The following CYP39A1 variants were observed in gnomAD, a reference collection of about 807,000 sequenced individuals.
CYP39A1 encodes 24-hydroxycholesterol 7-alpha-hydroxylase.
In CYP39A1, 49 loss-of-function variants were observed where a neutral mutation model predicts 58.1. The ratio of observed to expected loss-of-function variants is 0.84; its 90% CI spans 0.67 to 1.07. The LOEUF (loss-of-function observed/expected upper bound fraction) is 1.07. Among genes scored for constraint, CYP39A1 ranks in the 50% least tolerant of loss-of-function variants. The pLI, the probability that CYP39A1 is intolerant of heterozygous loss-of-function variation, is 0.00. For synonymous variants in CYP39A1, 209 were observed against 187.6 expected, an observed-to-expected ratio of 1.11 and a Z score of -0.93; for missense variants, 531 against 539.4, an observed-to-expected ratio of 0.98 and a Z score of 0.16.
intron 10 of CYP39A1, chr6:46,582,991 A>T: frequency 1.1e-6 from 1 of 890,170 alleles, no homozygotes. Context: ...TGGACCTCTG[A>T]TTTTAATTAA....
chr6:46,649,547 T>A, intron 1 of CYP39A1, among the ~76,000 whole-genome samples: 1 of 152,106 alleles, frequency 6.6e-6, no homozygotes, highest in East Asian at 1.9e-4. Flanking sequence ...GAATTAGGAG[T>A]TCTATATGGT....
At chr6:46,577,293 A>T (rs1478100574) in intron 10 of CYP39A1, among the ~76,000 whole-genome samples, 1 of 152,162 alleles carries the variant, frequency 6.6e-6, no homozygotes, top group Non-Finnish European at 1.5e-5. Flanking sequence ...CCAAACAGAA[A>T]TCAAAGATCA....
intron 5 of CYP39A1, among the ~76,000 whole-genome samples, chr6:46,632,949 C>G (rs1272437764): frequency 6.6e-6 from 1 of 151,810 alleles, no homozygotes; most frequent in Non-Finnish European, 1.5e-5. Flanking sequence ...AATCACTAGC[C>G]TATAAAATAC....
intron 1 of CYP39A1, among the ~76,000 whole-genome samples, chr6:46,646,471 G>A (rs902783912): frequency 6.6e-6 from 1 of 152,036 alleles, no homozygotes; most frequent in African/African-American, 2.4e-5. Flanking sequence ...TTTATTTGCT[G>A]ATATTTTGTT....
intron 7 of CYP39A1, among the ~76,000 whole-genome samples, chr6:46,606,043 C>A (rs1158203047): frequency 6.6e-6 from 1 of 152,050 alleles, no homozygotes; most frequent in Non-Finnish European, 1.5e-5. Flanking sequence ...CCACAGTGAC[C>A]TACATATTGC....
chr6:46,602,925 G>GA (rs202062660), intron 7 of CYP39A1, among the ~76,000 whole-genome samples: 2 of 137,774 alleles, frequency 1.5e-5, no homozygotes, highest in Middle Eastern at 3.5e-3. Flanking sequence ...ATATAAAATG[G>GA]GGGGGGGGAG....
At chr6:46,625,207 T>C (rs1297107584) in intron 7 of CYP39A1, among the ~76,000 whole-genome samples, 2 of 152,132 alleles carry the variant, frequency 1.3e-5, no homozygotes, top group African/African-American at 2.4e-5. Flanking sequence ...ATTTCATCAT[T>C]TGGAAAATGA....
At position 46,597,092 on chromosome 6, in the gene CYP39A1, A is replaced by G. The variant is rs566751444; in HGVS notation, c.932-972T>C. 8.5e-5 allele frequency among the ~76,000 whole-genome samples: 13 copies of G among 152,194 alleles called. No homozygotes were observed. In the South Asian group the frequency reaches 1.7e-3, roughly 19 times the overall value. Reference sequence around the variant, plus strand: ...AAAAGCAAGCCCATTTTGCAGGAAAAGGTTTATTGGGTGCTGCCTGGGAAA... The same window carrying G: ...AAAAGCAAGCCCATTTTGCAGGAAAGGGTTTATTGGGTGCTGCCTGGGAAA... On this transcript the variant is annotated intron_variant, in intron 7 of 11. Transcript: ENST00000275016.
chr6:46,647,580 C>T (rs2150609212), intron 1 of CYP39A1, among the ~76,000 whole-genome samples: 1 of 152,234 alleles, frequency 6.6e-6, no homozygotes, highest in Middle Eastern at 3.4e-3. Flanking sequence ...GACACCATTT[C>T]CCTCATTAGA....
rs1772273158 is a variant in CYP39A1 at position 46,583,509 on chromosome 6, A to G, written c.1250+3568T>C. On this transcript the variant is annotated intron_variant, in intron 10 of 11. Transcript: ENST00000275016. Reference sequence around the variant, plus strand: ...TAATGTGAGACTGTCTGCTATAATGAGACTCTTCACTTTGCAAGCTACAAT... The same window carrying G: ...TAATGTGAGACTGTCTGCTATAATGGGACTCTTCACTTTGCAAGCTACAAT... 3.0e-6 allele frequency: 3 copies of G among 985,196 alleles called. No homozygotes were observed. In the Admixed American group the frequency reaches 1.8e-4, roughly 61 times the overall value. The allele number at this position is 985,196 out of a possible 1,614,324, so 61.0% of individuals were successfully genotyped here.
At chr6:46,584,913 A>G (rs1053543912) in intron 10 of CYP39A1, among the ~76,000 whole-genome samples, 3 of 152,096 alleles carry the variant, frequency 2.0e-5, no homozygotes, top group African/African-American at 7.2e-5. Context: ...TTATTTATTA[A>G]TTGAATGTCC....
chr6:46,567,337 C>CAT lies in CYP39A1; in HGVS notation c.1251-13485_1251-13484dup, dbSNP rs546524293. On this transcript the variant is annotated intron_variant, in intron 10 of 11. Transcript: ENST00000275016. ...CCTTTTGTAAGGCTGAAAAATATTC[C>CAT]ATATATATATATATAACTTTTTTAT... is the stretch of plus-strand genomic sequence containing the variant. Among the ~76,000 whole-genome samples, 307 of 138,404 alleles carry CAT rather than the reference C, an allele frequency of 2.2e-3. 1 individual carries two copies. The highest frequency in any genetic ancestry group is 0.011 in the Middle Eastern group (3 of 280). The allele number at this position is 138,404 out of a possible 152,430, so 90.8% of individuals were successfully genotyped here.
intron 8 of CYP39A1, among the ~76,000 whole-genome samples, chr6:46,592,964 C>T (rs1772932251): frequency 6.6e-6 from 1 of 152,024 alleles, no homozygotes; most frequent in Non-Finnish European, 1.5e-5. Flanking sequence ...ACCACATTAA[C>T]ATAACCACAA....
intron 7 of CYP39A1, among the ~76,000 whole-genome samples, chr6:46,617,498 A>G (rs1380292996): frequency 6.6e-6 from 1 of 152,150 alleles, no homozygotes; most frequent in Non-Finnish European, 1.5e-5. Context: ...TACATATAGC[A>G]TACCTCCAGA....
chr6:46,555,206 C>T (rs1006823387), intron 10 of CYP39A1, among the ~76,000 whole-genome samples: 1 of 152,196 alleles, frequency 6.6e-6, no homozygotes. Context: ...TATTACTTGA[C>T]ATTCTCTGAA....
At chr6:46,626,896 G>A (rs1363888010) in intron 6 of CYP39A1, among the ~76,000 whole-genome samples, 1 of 152,118 alleles carries the variant, frequency 6.6e-6, no homozygotes, top group Admixed American at 6.6e-5. Flanking sequence ...AAAAAATAGT[G>A]ATAAGACATA....
Position 46,625,461 on chromosome 6 carries a change from G to C in CYP39A1, c.888C>G (p.His296Gln). Residue 296 changes from histidine to glutamine, a missense_variant, in exon 7 of 12, where the codon CAC becomes CAG. His to Gln is a conservative substitution (Grantham distance 24, BLOSUM62 0). Transcript: ENST00000275016. ...LAYVLSHPDIHKAIMEGISSV... is the reference protein window; with the variant it reads ...LAYVLSHPDIQKAIMEGISSV... Reference sequence around the variant, plus strand: ...AAGATATGCCTTCCATAATGGCCTTGTGGATATCAGGATGAGAAAGGACGT... The same window carrying C: ...AAGATATGCCTTCCATAATGGCCTTCTGGATATCAGGATGAGAAAGGACGT... The C allele has an allele frequency of 6.2e-7, 1 of 1,611,262 alleles. No individual in the cohort carries two copies. Among genetic ancestry groups the C allele is most frequent in the South Asian group, 1.1e-5 (1 of 90,576 alleles).
intron 7 of CYP39A1, among the ~76,000 whole-genome samples, chr6:46,624,613 G>A (rs887714169): frequency 6.6e-6 from 1 of 151,774 alleles, no homozygotes; most frequent in Non-Finnish European, 1.5e-5. Flanking sequence ...GAAGGGAGAG[G>A]GAAAACCATT....
intron 10 of CYP39A1, among the ~76,000 whole-genome samples, chr6:46,556,148 C>T (rs1023715801): frequency 6.6e-6 from 1 of 152,174 alleles, no homozygotes; most frequent in Admixed American, 6.5e-5. Flanking sequence ...ATCTTCCTGC[C>T]TTAAATAACT....
Sources: allele counts gnomAD v4.1 joint callset (sites outside exome capture counted in the v4.1 genomes callset), GRCh38; gene constraint gnomAD v4.1.1; transcripts MANE v1.5; gene names NCBI Gene and HGNC (gene_info 2026-07-23, HGNC 2026-07-21).